Variants in FKBP4 observed in about 807,000 individuals in gnomAD.
FKBP4 encodes the protein FKBP prolyl isomerase 4, also known as peptidyl-prolyl cis-trans isomerase FKBP4.
A neutral mutation model predicts 54.1 loss-of-function variants in FKBP4; 28 were observed. That is an observed-to-expected ratio of 0.52 (90% CI 0.38 to 0.71). The LOEUF (loss-of-function observed/expected upper bound fraction) is 0.71. Ranked by LOEUF, FKBP4 falls within the 30% of genes least tolerant of loss-of-function variation. The probability of loss-of-function intolerance (pLI) is 0.00; values close to 1 mark genes in which losing one functional copy is unlikely to be tolerated. For synonymous variants in FKBP4, 223 were observed against 216.1 expected (o/e 1.03, Z -0.28); for missense variants, 493 against 574.4 (o/e 0.86, Z 1.45).
In FKBP4 at chr12:2,798,980, C is replaced by A; in HGVS notation, c.515-108C>A. The A allele has an allele frequency of 7.1e-7, 1 of 1,412,954 alleles. No individual in the cohort carries two copies. Among genetic ancestry groups the A allele is most frequent in the Non-Finnish European group, 9.7e-7 (1 of 1,033,706 alleles). The allele number at this position is 1,412,954 out of a possible 1,614,324, so 87.5% of individuals were successfully genotyped here. A position where few individuals can be genotyped will look rare whatever the true frequency, so the allele number is the denominator to read the frequency against. ...CTTCATATCACTCCAGATTTGAGAA[C>A]ACAGGAGAATCTTGGGATGATGGGG... is the stretch of plus-strand genomic sequence containing the variant. On this transcript the variant is annotated intron_variant, in intron 4 of 9. Coordinates refer to ENST00000001008, the MANE Select transcript of FKBP4 (RefSeq NM_002014.4). This position sits in a 1 kb window ranked among gnomAD's most constrained non-coding sequence, Gnocchi z 4.3.
Position 2,804,015 on chromosome 12 carries a change from C to A in FKBP4, c.*757C>A, listed in dbSNP as rs2097906251. The stretch of plus-strand genomic sequence containing the variant: ...TGGGTGGGTACATAATGGGTAGTAG[C>A]ACAATCAAGGGGTCACCCACTTAGT... On this transcript the variant is annotated 3_prime_UTR_variant, in exon 10 of 10. Transcript: ENST00000001008. 6.6e-6 allele frequency: 1 copy of A among 152,464 alleles called. No homozygotes were observed. The highest frequency in any genetic ancestry group is 6.6e-5 in the Admixed American group (1 of 15,254). The allele number at this position is 152,464 out of a possible 1,614,324, so 9.4% of individuals were successfully genotyped here.
chr12:2,797,680 C>T, intron 2 of FKBP4, 49 bp from the exon 3 acceptor site: 1 of 1,566,238 alleles, frequency 6.4e-7, no homozygotes, highest in African/African-American at 1.4e-5. Context: ...TGTTTGAGCC[C>T]AGAATCAGAA....
In FKBP4 at chr12:2,798,941, T is replaced by C; in HGVS notation, c.514+115T>C. ...ATCTTCTTGTCCATAAAATGAGGGG[T>C]TGGACCATATTCTCTTCATATCACT... On this transcript the variant is annotated intron_variant, in intron 4 of 9. Transcript: ENST00000001008. This position sits in a 1 kb window ranked among gnomAD's most constrained non-coding sequence, Gnocchi z 4.3. 7.1e-7 allele frequency: 1 copy of C among 1,413,506 alleles called. No homozygotes were observed. The highest frequency in any genetic ancestry group is 1.3e-5 in the South Asian group (1 of 78,218). 87.6% of individuals were successfully genotyped at this position (1,413,506 alleles called of 1,614,324 possible). A position where few individuals can be genotyped will look rare whatever the true frequency, so the allele number is the denominator to read the frequency against.
chr12:2,795,387 C>T lies in FKBP4; in HGVS notation c.105+143C>T. 1 of 207,746 alleles carries T rather than the reference C, an allele frequency of 4.8e-6. No homozygotes were observed. The highest frequency in any genetic ancestry group is 8.6e-6 in the Non-Finnish European group (1 of 116,424). 12.9% of individuals were successfully genotyped at this position (207,746 alleles called of 1,614,324 possible). ...CGGCCGTCCCGCCGGGGGCCGGTGG[C>T]ATCGCCGTCCCGGACCGGGCTGCGT... On this transcript the variant is annotated intron_variant, in intron 1 of 9. Coordinates refer to ENST00000001008, the MANE Select transcript of FKBP4 (RefSeq NM_002014.4). The surrounding 1 kb of genome is among the most constrained non-coding windows in gnomAD (Gnocchi z 4.3).
intron 1 of FKBP4, chr12:2,796,528 C>G: frequency 3.0e-6 from 3 of 985,438 alleles, no homozygotes; most frequent in Non-Finnish European, 3.6e-6. Context: ...ATACTCCAGC[C>G]CTGGACTAAC....
At position 2,795,268 on chromosome 12, in the gene FKBP4, AG is replaced by A. The variant is rs751742774; in HGVS notation, c.105+26del. 1 of 1,246,194 alleles carries A rather than the reference AG, an allele frequency of 8.0e-7. No homozygotes were observed. The highest frequency in any genetic ancestry group is 1.6e-5 in the African/African-American group (1 of 62,726). The allele number at this position is 1,246,194 out of a possible 1,614,324, so 77.2% of individuals were successfully genotyped here. ...AGGTGAGGGGCGGCGGGGCCTGCGGAGGCGTCGGAACCCGGGGCCCCGCGGG... is the reference window on the plus strand; with the variant it reads ...AGGTGAGGGGCGGCGGGGCCTGCGGAGCGTCGGAACCCGGGGCCCCGCGGG... On this transcript the variant is annotated intron_variant, in intron 1 of 9. Transcript: ENST00000001008. The surrounding 1 kb of genome is among the most constrained non-coding windows in gnomAD (Gnocchi z 4.3).
Position 2,801,174 on chromosome 12 carries a change from C to T in FKBP4, c.1090C>T (p.Leu364=), listed in dbSNP as rs2097904548. The change falls in exon 9 of 10, where the codon CTG becomes TTG. Residue 364 remains leucine (L), a synonymous_variant. Coordinates refer to ENST00000001008, the MANE Select transcript of FKBP4 (RefSeq NM_002014.4). The part of the protein sequence containing the change: ...KGLFRRGEAH[L]AVNDFELARA... ...CCTCTTCCGCCGGGGAGAGGCCCAC[C>T]TGGCCGTGAATGACTTTGAACTGGC... The T allele has an allele frequency of 6.2e-7, 1 of 1,613,566 alleles. No individual in the cohort carries two copies. Among genetic ancestry groups the T allele is most frequent in the African/African-American group, 1.3e-5 (1 of 74,914 alleles).
chr12:2,796,874 T>A (rs2097902143), intron 1 of FKBP4: 1 of 1,271,780 alleles, frequency 7.9e-7, no homozygotes, highest in South Asian at 2.1e-5. Context: ...TTTAAAAACT[T>A]ACCATACAGC....
At position 2,804,842 on chromosome 12, in the gene FKBP4, G is replaced by A. The variant is rs891520749; in HGVS notation, c.*1584G>A. 4 of 174,550 alleles carry A rather than the reference G, an allele frequency of 2.3e-5. No individual in the cohort carries two copies. The highest frequency in any genetic ancestry group is 4.9e-5 in the Non-Finnish European group (4 of 82,194). 10.8% of individuals were successfully genotyped at this position (174,550 alleles called of 1,614,324 possible). A position where few individuals can be genotyped will look rare whatever the true frequency, so the allele number is the denominator to read the frequency against. ...CAGTGTGAGTATCCCTTGAGCCCAA[G>A]ACACCAAGGATGCAGAGAACTGTGA... On this transcript the variant is annotated 3_prime_UTR_variant, in exon 10 of 10. Transcript: ENST00000001008.
intron 1 of FKBP4, chr12:2,796,201 C>T (rs11062358): frequency 0.14 from 182,181 of 1,286,414 alleles, 15,127 homozygotes; most frequent in South Asian, 0.32. Flanking sequence ...CTGAGCTCCG[C>T]GTGTGCGGCA....
chr12:2,800,429 A>T lies in FKBP4; in HGVS notation c.884A>T (p.Lys295Met). 3.1e-6 allele frequency: 5 copies of T among 1,613,924 alleles called. No homozygotes were observed. Among genetic ancestry groups the T allele is most frequent in the Non-Finnish European group, 4.2e-6 (5 of 1,179,850 alleles). ...AAGCAAGCTTTACTACAGTATAAGA[A>T]GATCGTGTCTTGGCTGGAATATGAG... ...KYKQALLQYK[K>M]IVSWLEYESS... Residue 295 changes from lysine to methionine, a missense_variant, in exon 8 of 10, where the codon AAG (lysine) becomes ATG (methionine). Coordinates refer to ENST00000001008, the MANE Select transcript of FKBP4 (RefSeq NM_002014.4).
chr12:2,800,168 C>A (rs768602709), intron 7 of FKBP4, 46 bp downstream of exon 7: 1 of 1,585,922 alleles, frequency 6.3e-7, no homozygotes, highest in Non-Finnish European at 8.7e-7. Context: ...GGAAGAGTTG[C>A]TCTGAGCCTC....
chr12:2,795,079 C>G lies in FKBP4; in HGVS notation c.-61C>G. ...ACGCCCCGCAGGTAGCGCCCCCGCCCGCGGCCCAGAGTGCGCTCGCGCCGG... is the reference window on the plus strand; with the variant it reads ...ACGCCCCGCAGGTAGCGCCCCCGCCGGCGGCCCAGAGTGCGCTCGCGCCGG... On this transcript the variant is annotated 5_prime_UTR_variant, in exon 1 of 10. Coordinates refer to ENST00000001008, the MANE Select transcript of FKBP4 (RefSeq NM_002014.4). The surrounding 1 kb of genome is among the most constrained non-coding windows in gnomAD (Gnocchi z 4.3). The G allele has an allele frequency of 9.1e-7, 1 of 1,098,716 alleles. No individual in the cohort carries two copies. The highest frequency in any genetic ancestry group is 1.2e-6 in the Non-Finnish European group (1 of 856,194). The allele number at this position is 1,098,716 out of a possible 1,614,324, so 68.1% of individuals were successfully genotyped here. A position where few individuals can be genotyped will look rare whatever the true frequency, so the allele number is the denominator to read the frequency against.
chr12:2,800,777 A>G lies in FKBP4; in HGVS notation c.1032+200A>G, dbSNP rs137926306. Among the ~76,000 whole-genome samples the G allele has an allele frequency of 2.7e-3, 413 of 152,340 alleles. 3 individuals carry two copies. Among genetic ancestry groups the G allele is most frequent in the African/African-American group, 8.9e-3 (369 of 41,578 alleles). ...GCTTTGGTGGGAAGCAGTTGGCAAG[A>G]AGGAGGAGGACACGGAATGGGAAGA... On this transcript the variant is annotated intron_variant, in intron 8 of 9. Coordinates refer to ENST00000001008, the MANE Select transcript of FKBP4 (RefSeq NM_002014.4).
Position 2,795,066 on chromosome 12 carries a change from T to C in FKBP4, c.-74T>C. 1 of 956,198 alleles carries C rather than the reference T, an allele frequency of 1.0e-6. No homozygotes were observed. The allele number at this position is 956,198 out of a possible 1,614,324, so 59.2% of individuals were successfully genotyped here. ...CCCGGCCTCCCGCACGCCCCGCAGG[T>C]AGCGCCCCCGCCCGCGGCCCAGAGT... is the stretch of plus-strand genomic sequence containing the variant. On this transcript the variant is annotated 5_prime_UTR_variant, in exon 1 of 10. Transcript: ENST00000001008. This position sits in a 1 kb window ranked among gnomAD's most constrained non-coding sequence, Gnocchi z 4.3.
At chr12:2,796,597 GTTCACCTA>G in intron 1 of FKBP4, 1 of 1,175,002 alleles carries the variant, frequency 8.5e-7, no homozygotes, top group Non-Finnish European at 1.1e-6. Flanking sequence ...GAGCCTCCGG[GTTCACCTA>G]TAACCTGGTT....
chr12:2,801,447 A>G (rs2097904721), intron 9 of FKBP4, 91 bp downstream of exon 9: 1 of 1,571,998 alleles, frequency 6.4e-7, no homozygotes, highest in Non-Finnish European at 8.7e-7. Flanking sequence ...GTCTGTGCCA[A>G]TCCCGGAAAC....
At position 2,799,161 on chromosome 12, in the gene FKBP4, G is replaced by A. The variant is rs1166098687; in HGVS notation, c.588G>A (p.Glu196=). ...TCCGCTTTGAGATTGGCGAGGGGGA[G>A]AACCTGGATCTGCCTTATGGTCTGG... is the stretch of plus-strand genomic sequence containing the variant. ...RELRFEIGEG[E]NLDLPYGLER... is the part of the protein sequence containing the mutation. The change falls in exon 5 of 10, where the codon GAG becomes GAA. Residue 196 remains glutamate, a synonymous_variant. Coordinates refer to ENST00000001008, the MANE Select transcript of FKBP4 (RefSeq NM_002014.4). The A allele has an allele frequency of 6.3e-7, 1 of 1,595,646 alleles. No homozygotes were observed. The highest frequency in any genetic ancestry group is 1.1e-5 in the South Asian group (1 of 87,998).
chr12:2,794,979 G>A lies in FKBP4; in HGVS notation c.-161G>A, dbSNP rs1603481210. 3 of 338,382 alleles carry A rather than the reference G, an allele frequency of 8.9e-6. No individual in the cohort carries two copies. In the East Asian group the frequency reaches 1.3e-4, roughly 15 times the overall value. The allele number at this position is 338,382 out of a possible 1,614,324, so 21.0% of individuals were successfully genotyped here. A position where few individuals can be genotyped will look rare whatever the true frequency, so the allele number is the denominator to read the frequency against. ...AGCCGCTCCTGACCCACCTACCCCA[G>A]CTCTCGCGCCGCGTGCAGAGGTGCT... On this transcript the variant is annotated 5_prime_UTR_variant, in exon 1 of 10. Transcript: ENST00000001008.
Sources: gnomAD v4.1 joint callset for allele counts (sites outside exome capture counted in the v4.1 genomes callset) on GRCh38, gnomAD v4.1.1 for gene constraint, Gnocchi (gnomAD v3.1) non-coding constraint, MANE v1.5 for transcripts, NCBI Gene and HGNC (gene_info 2026-07-23, HGNC 2026-07-21) for gene names.